The following CCDC63 variants were observed in gnomAD, a reference collection of about 807,000 sequenced individuals.
The protein encoded by CCDC63 is coiled-coil domain containing 63.
A neutral mutation model predicts 63.6 loss-of-function variants in CCDC63; 54 were observed. The ratio of observed to expected loss-of-function variants is 0.85; its 90% CI spans 0.68 to 1.07. CCDC63 has a LOEUF of 1.07. CCDC63 is among the 50% of genes least tolerant of loss of function. The pLI is 0.00. For synonymous variants in CCDC63, 253 were observed against 266.1 expected (o/e 0.95, Z 0.48); for missense variants, 637 against 689.6 (o/e 0.92, Z 0.86).
intron 9 of CCDC63, among the ~76,000 whole-genome samples, chr12:110,897,820 G>A (rs774204642): frequency 1.6e-4 from 23 of 146,610 alleles, no homozygotes; most frequent in Non-Finnish European, 2.5e-4. Flanking sequence ...TGCAATTTCC[G>A]TCTCCTGGAT....
At chr12:110,897,884 C>A (rs773664199) in intron 9 of CCDC63, among the ~76,000 whole-genome samples, 17 of 151,934 alleles carry the variant, frequency 1.1e-4, no homozygotes, top group Non-Finnish European at 2.2e-4. Context: ...GCACATGCCA[C>A]CATGCCCAAC....
intron 9 of CCDC63, among the ~76,000 whole-genome samples, chr12:110,893,712 T>C (rs2136726968): frequency 6.6e-6 from 1 of 152,322 alleles, no homozygotes; most frequent in East Asian, 1.9e-4. Flanking sequence ...GGATATTGTA[T>C]ACGTTTTGAG....
At chr12:110,892,232 T>C (rs2071366067) in intron 8 of CCDC63, among the ~76,000 whole-genome samples, 1 of 152,182 alleles carries the variant, frequency 6.6e-6, no homozygotes, top group African/African-American at 2.4e-5. Flanking sequence ...GTGTGGCTTT[T>C]TAAGTTACAT....
At chr12:110,846,642 C>G (rs865828564), upstream of CCDC63, 10 of 152,166 alleles carry the variant, frequency 6.6e-5, no homozygotes, top group Admixed American at 3.3e-4. Context: ...CTGCTGTGAG[C>G]ATGAGTGTAG....
At chr12:110,873,616 C>T (rs535032284) in intron 4 of CCDC63, among the ~76,000 whole-genome samples, 2 of 152,224 alleles carry the variant, frequency 1.3e-5, no homozygotes, top group African/African-American at 4.8e-5. Context: ...CCCGAACTGG[C>T]TAAGATTAAG....
At chr12:110,900,229 T>A (rs943690869) in intron 10 of CCDC63, among the ~76,000 whole-genome samples, 3 of 151,564 alleles carry the variant, frequency 2.0e-5, no homozygotes, top group African/African-American at 4.8e-5. Context: ...ACCAAAAAAA[T>A]AATAATAATA....
At chr12:110,868,553 A>AACCCCGTCTCC (rs1195002734) in intron 4 of CCDC63, among the ~76,000 whole-genome samples, 2 of 151,252 alleles carry the variant, frequency 1.3e-5, no homozygotes, top group Admixed American at 6.6e-5. Flanking sequence ...AACACAGCGA[A>AACCCCGTCTCC]ACCCCGTCTC....
intron 5 of CCDC63, among the ~76,000 whole-genome samples, chr12:110,877,478 G>A (rs918762215): frequency 7.9e-5 from 12 of 151,814 alleles, no homozygotes; most frequent in Admixed American, 7.2e-4. Flanking sequence ...TTGGCCTCCC[G>A]AAGTGTTGTG....
Position 110,857,708 on chromosome 12 carries a change from C to T in CCDC63, c.180-878C>T, listed in dbSNP as rs576798685. Among the ~76,000 whole-genome samples, 9 of 152,278 alleles carry T rather than the reference C, an allele frequency of 5.9e-5. No homozygotes were observed. The South Asian group carries it at 1.9e-3, about 32-fold the overall frequency. ...CTCCCTTTGCTCTTTTCCAAATCCC[C>T]CTGTTTTCCCACATCCCGGTAGACA... On this transcript the variant is annotated intron_variant, in intron 3 of 11. Transcript: ENST00000308208.
At chr12:110,893,464 CA>C (rs2071382480) in intron 9 of CCDC63, among the ~76,000 whole-genome samples, 1 of 152,202 alleles carries the variant, frequency 6.6e-6, no homozygotes, top group Non-Finnish European at 1.5e-5. Context: ...GCTCCTTCCA[CA>C]TGGATCTCTG....
rs764839643 is a variant in CCDC63 at position 110,881,174 on chromosome 12, A to C, written c.731A>C (p.Gln244Pro). 2 of 1,613,304 alleles carry C rather than the reference A, an allele frequency of 1.2e-6. No homozygotes were observed. The highest frequency in any genetic ancestry group is 1.7e-6 in the Non-Finnish European group (2 of 1,179,946). The change falls in exon 7 of 12, where the codon CAG becomes CCG. Residue 244 changes from glutamine to proline, a missense_variant. Coordinates refer to ENST00000308208, the MANE Select transcript of CCDC63 (RefSeq NM_152591.3). ...GACCGCCAGAAGAAGGACACCTCTC[A>C]GTACAACCTGGAGATCCGAGAGCTG... is the stretch of plus-strand genomic sequence containing the variant. ...MKDRQKKDTS[Q>P]YNLEIRELER...
At position 110,899,092 on chromosome 12, in the gene CCDC63, A is replaced by T; in HGVS notation, c.1309A>T (p.Lys437Ter). The change falls in exon 10 of 12, where the codon AAA becomes TAA. Residue 437 changes from lysine to a stop codon, truncating the protein, a stop_gained. Transcript: ENST00000308208. LOFTEE classifies it high-confidence loss of function. ...KILVQLGETG[K>*]VTDINLPQYF... ...CCTGGTGCAGTTAGGGGAGACGGGG[A>T]AAGTCACTGACATCAACCTTCCGCA... 1 of 1,613,012 alleles carries T rather than the reference A, an allele frequency of 6.2e-7. No homozygotes were observed. Among genetic ancestry groups the T allele is most frequent in the South Asian group, 1.1e-5 (1 of 90,806 alleles).
chr12:110,901,211 A>T (rs1314882737), intron 10 of CCDC63, among the ~76,000 whole-genome samples: 3 of 152,182 alleles, frequency 2.0e-5, no homozygotes, highest in Non-Finnish European at 4.4e-5. Flanking sequence ...TCAGGCATGC[A>T]GCGCACAACA....
intron 4 of CCDC63, among the ~76,000 whole-genome samples, chr12:110,861,803 C>T (rs1382231167): frequency 6.6e-6 from 1 of 151,392 alleles, no homozygotes; most frequent in Non-Finnish European, 1.5e-5. Context: ...AGCTCCTGAC[C>T]TCAAGTGATC....
At chr12:110,888,834 CTT>C (rs879697783) in intron 8 of CCDC63, among the ~76,000 whole-genome samples, 3,860 of 132,486 alleles carry the variant, frequency 0.029, 179 homozygotes, top group Admixed American at 0.089. Context: ...TCCTTCCTTC[CTT>C]CCTTCCTTCC....
intron 4 of CCDC63, among the ~76,000 whole-genome samples, chr12:110,863,541 ATTTT>A (rs34243608): frequency 2.2e-5 from 3 of 138,502 alleles, no homozygotes; most frequent in Non-Finnish European, 3.1e-5. Flanking sequence ...TGTCCCAGGG[ATTTT>A]TTTTTTTTTT....
At chr12:110,847,768 T>C (rs1022641034) in intron 1 of CCDC63, among the ~76,000 whole-genome samples, 12 of 152,218 alleles carry the variant, frequency 7.9e-5, no homozygotes, top group Admixed American at 3.3e-4. Flanking sequence ...ATGATCCACA[T>C]AGCTGCCTGT....
upstream of CCDC63, among the ~76,000 whole-genome samples, chr12:110,844,905 C>G (rs2070621740): frequency 6.6e-6 from 1 of 152,188 alleles, no homozygotes; most frequent in Admixed American, 6.5e-5. Context: ...TGTCAGTTTT[C>G]TGGTCTGCGT....
chr12:110,857,684 TC>T (rs1393725180), intron 3 of CCDC63, among the ~76,000 whole-genome samples: 10 of 152,110 alleles, frequency 6.6e-5, no homozygotes. Context: ...TCTTTCAAGC[TC>T]CCTTTGCTCT....
Sources: allele counts gnomAD v4.1 joint callset (sites outside exome capture counted in the v4.1 genomes callset), GRCh38; gene constraint gnomAD v4.1.1; transcripts MANE v1.5; gene names NCBI Gene and HGNC (gene_info 2026-07-23, HGNC 2026-07-21).